Variants in INSL6 observed in about 807,000 individuals in gnomAD.
INSL6 encodes insulin-like peptide INSL6.
In INSL6, 16 loss-of-function variants were observed where a neutral mutation model predicts 9.4. The observed-to-expected ratio is 1.70, with a 90% CI of 1.15 to 2.59. The LOEUF (loss-of-function observed/expected upper bound fraction) is 2.59, where lower values mean the gene tolerates loss of function less well. INSL6 is among the 30% of genes most tolerant of loss of function. INSL6 has a pLI of 0.00. For synonymous variants in INSL6, 154 were observed against 96.9 expected (o/e 1.59, Z -3.46); for missense variants, 391 against 257.3 (o/e 1.52, Z -3.56).
At chr9:5,072,561 G>A in the INSL6 span, 571 of 1,610,342 alleles carry the variant, frequency 3.5e-4, 2 homozygotes, top group Middle Eastern at 1.8e-3. Flanking sequence ...AGGAGACTAC[G>A]GTCAACTGCA....
At chr9:5,100,780 G>C in the INSL6 span, 2 of 152,230 alleles carry the variant, frequency 1.3e-5, no homozygotes, top group Admixed American at 6.5e-5. Context: ...TCAGTACTTT[G>C]AGGCCCCTTT....
the INSL6 span, among the ~76,000 whole-genome samples, chr9:5,084,431 C>T: frequency 1.3e-4 from 20 of 152,188 alleles, no homozygotes; most frequent in South Asian, 4.2e-3. Context: ...GCTACTGTAT[C>T]CCTTTGTTAT....
intron 2 of INSL6, among the ~76,000 whole-genome samples, chr9:5,139,042 G>A (rs984948461): frequency 3.9e-5 from 6 of 152,134 alleles, no homozygotes; most frequent in African/African-American, 1.2e-4. Context: ...ATATTACTGT[G>A]TATTAAAATA....
chr9:5,131,021 G>A (rs947008555), intron 3 of INSL6, among the ~76,000 whole-genome samples: 3 of 152,122 alleles, frequency 2.0e-5, no homozygotes, highest in African/African-American at 2.4e-5. Flanking sequence ...GAGCCACCGC[G>A]CCCAGCCCGA....
chr9:5,144,631 C>T (rs1168492553), intron 2 of INSL6, among the ~76,000 whole-genome samples: 1 of 152,116 alleles, frequency 6.6e-6, no homozygotes, highest in African/African-American at 2.4e-5. Flanking sequence ...TGAAAGTCTC[C>T]AAGAATTTGC....
chr9:5,067,787 A>G, the INSL6 span, among the ~76,000 whole-genome samples: 2 of 152,188 alleles, frequency 1.3e-5, no homozygotes, highest in African/African-American at 4.8e-5. Context: ...CAAATATACA[A>G]AAAATTCTAA....
At chr9:5,183,971 A>G (rs975202271) in intron 1 of INSL6, among the ~76,000 whole-genome samples, 16 of 152,200 alleles carry the variant, frequency 1.1e-4, no homozygotes, top group African/African-American at 3.9e-4. Context: ...TCACTGAACT[A>G]AAGTAAAAGT....
chr9:5,038,254 C>T, the INSL6 span, among the ~76,000 whole-genome samples: 1 of 152,028 alleles, frequency 6.6e-6, no homozygotes, highest in Admixed American at 6.5e-5. Flanking sequence ...AAAGAAAGAA[C>T]AGAAAGTTTG....
At chr9:5,041,655 C>T in the INSL6 span, 2 of 507,738 alleles carry the variant, frequency 3.9e-6, no homozygotes, top group Non-Finnish European at 4.0e-6. Context: ...CTACGACTAC[C>T]TGCGGAAGCT....
chr9:5,060,594 C>A, the INSL6 span, among the ~76,000 whole-genome samples: 1 of 152,224 alleles, frequency 6.6e-6, no homozygotes, highest in Non-Finnish European at 1.5e-5. Context: ...AATTCAGTCA[C>A]ATCTTCAGCT....
chr9:5,078,145 G>A, the INSL6 span, among the ~76,000 whole-genome samples: 1 of 152,152 alleles, frequency 6.6e-6, no homozygotes, highest in South Asian at 2.1e-4. Flanking sequence ...AAAACAGGAA[G>A]CATAGGAGTC....
chr9:5,180,150 C>G (rs1825414814), intron 1 of INSL6, among the ~76,000 whole-genome samples: 4 of 152,208 alleles, frequency 2.6e-5, no homozygotes, highest in Non-Finnish European at 5.9e-5. Context: ...GGACATTTAT[C>G]AGTTCCCAAA....
intron 1 of INSL6, among the ~76,000 whole-genome samples, chr9:5,168,644 T>C (rs888020871): frequency 6.6e-6 from 1 of 151,740 alleles, no homozygotes; most frequent in Non-Finnish European, 1.5e-5. Flanking sequence ...CAGAAACAAG[T>C]TGGAAAACAC....
intron 1 of INSL6, among the ~76,000 whole-genome samples, chr9:5,175,927 T>A (rs1825294091): frequency 6.6e-6 from 1 of 152,186 alleles, no homozygotes; most frequent in Non-Finnish European, 1.5e-5. Flanking sequence ...AGAAATAAAG[T>A]TCACAATAAA....
the INSL6 span, among the ~76,000 whole-genome samples, chr9:5,095,718 C>T: frequency 3.5e-4 from 53 of 152,222 alleles, no homozygotes; most frequent in African/African-American, 1.0e-3. Context: ...TTAACGTAAG[C>T]GGTTGAGGAG....
chr9:5,041,751 A>C, the INSL6 span: 1 of 491,256 alleles, frequency 2.0e-6, no homozygotes, highest in Non-Finnish European at 4.1e-6. Flanking sequence ...CCCCATCAGC[A>C]GTGTCCACAC....
the INSL6 span, among the ~76,000 whole-genome samples, chr9:5,035,416 C>T: frequency 2.6e-5 from 4 of 152,174 alleles, no homozygotes; most frequent in African/African-American, 9.7e-5. Flanking sequence ...CAAAGCCTGG[C>T]AGAGACACAA....
At chr9:5,149,005 G>C (rs1824657879) in intron 2 of INSL6, among the ~76,000 whole-genome samples, 1 of 152,204 alleles carries the variant, frequency 6.6e-6, no homozygotes, top group Non-Finnish European at 1.5e-5. Context: ...TCTCTCAGAG[G>C]GAGACAGGCA....
chr9:5,066,923 T>C, the INSL6 span: 2 of 389,052 alleles, frequency 5.1e-6, no homozygotes. Context: ...TAATGCTTAA[T>C]TTCCTCAGAG....
Sources: allele counts gnomAD v4.1 joint callset (sites outside exome capture counted in the v4.1 genomes callset), GRCh38; gene constraint gnomAD v4.1.1; transcripts MANE v1.5; gene names NCBI Gene and HGNC (gene_info 2026-07-23, HGNC 2026-07-21).